The following CWF19L1 variants were observed in gnomAD, a reference collection of about 807,000 sequenced individuals.
CWF19L1 encodes the protein CWF19 like cell cycle control factor 1, also known as CWF19-like protein 1.
CWF19L1 carries 60 observed loss-of-function variants against 69.7 expected under a neutral mutation model. The observed-to-expected ratio is 0.86, with a 90% CI of 0.70 to 1.07. The LOEUF is 1.07. Ranked by LOEUF, CWF19L1 falls within the 50% of genes least tolerant of loss-of-function variation. CWF19L1 has a pLI of 0.00. For synonymous variants in CWF19L1, 209 were observed against 222.2 expected, an observed-to-expected ratio of 0.94 and a Z score of 0.53; for missense variants, 591 against 638.9, an observed-to-expected ratio of 0.92 and a Z score of 0.81.
chr10:100,247,470 T>C (rs1185912066), intron 7 of CWF19L1, among the ~76,000 whole-genome samples: 1 of 152,252 alleles, frequency 6.6e-6, no homozygotes, highest in Non-Finnish European at 1.5e-5. Context: ...ATTTGGAATC[T>C]TGCACTAATG....
rs1055656362 is a variant in CWF19L1 at position 100,235,718 on chromosome 10, C to T, written c.1421G>A (p.Gly474Glu). 2 of 1,612,440 alleles carry T rather than the reference C, an allele frequency of 1.2e-6. No individual in the cohort carries two copies. Among genetic ancestry groups the T allele is most frequent in the Non-Finnish European group, 1.7e-6 (2 of 1,179,932 alleles). Residue 474 changes from glycine (G) to glutamate (E), a missense_variant, in exon 13 of 14, where the codon GGA (glycine) becomes GAA (glutamate). Transcript: ENST00000354105. ...TTTAATTCTGTGGAAAAGCTTTTCT[C>T]CTGTGTCAAGTTCAACATAAAAATA... ...AAYFYVELDT[G>E]EKLFHRIKKN...
Position 100,244,386 on chromosome 10 carries a change from C to T in CWF19L1, c.965-609G>A, listed in dbSNP as rs1027904205. Among the ~76,000 whole-genome samples, 24 of 152,322 alleles carry T rather than the reference C, an allele frequency of 1.6e-4. No homozygotes were observed. In the South Asian group the frequency reaches 3.9e-3, roughly 25 times the overall value. ...TTTTATTTTTTTTGAGACGGAGTCTCGCTCTGTCGCCTAGGGTGGAGTACA... is the reference window on the plus strand; with the variant it reads ...TTTTATTTTTTTTGAGACGGAGTCTTGCTCTGTCGCCTAGGGTGGAGTACA... On this transcript the variant is annotated intron_variant, in intron 9 of 13. Coordinates refer to ENST00000354105, the MANE Select transcript of CWF19L1 (RefSeq NM_018294.6).
intron 1 of CWF19L1, among the ~76,000 whole-genome samples, chr10:100,266,628 G>C (rs1418216899): frequency 6.6e-6 from 1 of 150,564 alleles, no homozygotes; most frequent in African/African-American, 2.5e-5. Flanking sequence ...CGATTCTCCT[G>C]CCTCAGCCTC....
chr10:100,251,397 T>A (rs1460198729), intron 6 of CWF19L1, among the ~76,000 whole-genome samples: 2 of 152,214 alleles, frequency 1.3e-5, no homozygotes, highest in African/African-American at 4.8e-5. Context: ...GTATTTGCCT[T>A]TTTGACTACT....
chr10:100,253,573 C>G, intron 5 of CWF19L1, 34 bp from the exon 6 acceptor site: 1 of 1,151,410 alleles, frequency 8.7e-7, no homozygotes, highest in Non-Finnish European at 1.3e-6. Context: ...CCATACAGAC[C>G]AAAAGTTATC....
At chr10:100,240,045 T>A (rs1281823469) in intron 10 of CWF19L1, among the ~76,000 whole-genome samples, 1 of 152,194 alleles carries the variant, frequency 6.6e-6, no homozygotes, top group Non-Finnish European at 1.5e-5. Flanking sequence ...AAAGAGCTCC[T>A]CTGCACCATC....
In CWF19L1 at chr10:100,239,188, A is replaced by G. The variant is rs74154608; in HGVS notation, c.1045-957T>C. 4.7e-3 allele frequency among the ~76,000 whole-genome samples: 720 copies of G among 152,290 alleles called. 5 individuals are homozygous for G. The highest frequency in any genetic ancestry group is 0.016 in the African/African-American group (678 of 41,550). Reference sequence around the variant, plus strand: ...AGGCAGAAAAGAATGATTTCCAACAATGGATGTCAGCCTTTAATGGCAACT... The same window carrying G: ...AGGCAGAAAAGAATGATTTCCAACAGTGGATGTCAGCCTTTAATGGCAACT... On this transcript the variant is annotated intron_variant, in intron 10 of 13. Coordinates refer to ENST00000354105, the MANE Select transcript of CWF19L1 (RefSeq NM_018294.6).
intron 1 of CWF19L1, among the ~76,000 whole-genome samples, chr10:100,263,934 T>C (rs1249051590): frequency 1.3e-5 from 2 of 152,220 alleles, no homozygotes; most frequent in Admixed American, 1.3e-4. Flanking sequence ...CAAAGCGTTC[T>C]TAAGCATTTC....
chr10:100,252,425 ACT>A (rs1018182419), intron 6 of CWF19L1, among the ~76,000 whole-genome samples: 1 of 149,264 alleles, frequency 6.7e-6, no homozygotes, highest in African/African-American at 2.5e-5. Context: ...ACAGAGCAAG[ACT>A]CTGTCTCAAA....
At chr10:100,254,677 A>G (rs763875590) in intron 5 of CWF19L1, 3 of 152,070 alleles carry the variant, frequency 2.0e-5, no homozygotes, top group African/African-American at 4.8e-5. Flanking sequence ...CCATAAATAT[A>G]CTGTATGGTT....
At chr10:100,255,162 C>T (rs4919440) in intron 5 of CWF19L1, among the ~76,000 whole-genome samples, 32,227 of 152,220 alleles carry the variant, frequency 0.21, 6,345 homozygotes, top group African/African-American at 0.52. Flanking sequence ...ACCAGTGTAG[C>T]GTTTCACTCC....
intron 8 of CWF19L1, 148 bp downstream of exon 8, chr10:100,246,647 G>T: frequency 1.2e-6 from 1 of 823,074 alleles, no homozygotes; most frequent in Non-Finnish European, 1.8e-6. Context: ...AAGCTTAGCT[G>T]AAATCTACTA....
intron 2 of CWF19L1, 121 bp downstream of exon 2, chr10:100,261,858 T>C (rs1847413200): frequency 1.2e-5 from 9 of 764,798 alleles, no homozygotes; most frequent in Non-Finnish European, 1.6e-5. Context: ...CCTATGCTCA[T>C]GAAGGGAACT....
At chr10:100,233,611 T>A (rs981806096) in intron 13 of CWF19L1, among the ~76,000 whole-genome samples, 2 of 152,174 alleles carry the variant, frequency 1.3e-5, no homozygotes, top group African/African-American at 4.8e-5. Flanking sequence ...ACTATATTAT[T>A]GGTACTTAGA....
Position 100,236,847 on chromosome 10 carries a change from C to G in CWF19L1, c.1374+3G>C. The G allele has an allele frequency of 6.3e-7, 1 of 1,585,542 alleles. No individual in the cohort carries two copies. The highest frequency in any genetic ancestry group is 1.2e-5 in the South Asian group (1 of 86,158). The stretch of plus-strand genomic sequence containing the variant: ...CCCTGAATATCACCATCCCCTGTTT[C>G]ACCTGCTTGATGTCAGAGTGCTCTG... On this transcript the variant is annotated splice_donor_region_variant and intron_variant, in intron 12 of 13. Coordinates refer to ENST00000354105, the MANE Select transcript of CWF19L1 (RefSeq NM_018294.6).
chr10:100,245,949 C>T (rs147228940), intron 8 of CWF19L1, 36 bp from the exon 9 acceptor site: 2 of 1,464,788 alleles, frequency 1.4e-6, no homozygotes, highest in African/African-American at 1.4e-5. Flanking sequence ...AAATGTTATT[C>T]AACTAACCTT....
At position 100,262,019 on chromosome 10, in the gene CWF19L1, T is replaced by C; in HGVS notation, c.68A>G (p.Asn23Ser). Residue 23 changes from asparagine to serine, a missense_variant, in exon 2 of 14, where the codon AAT (asparagine) becomes AGT (serine). By Grantham distance (46) the Asn-to-Ser change is conservative. Transcript: ENST00000354105. ...DVEGKFDILF[N>S]RVQAIQKKSG... ...TTTCTTCTGAATTGCTTGAACTCTA[T>C]TGAATAAAATATCAAACTTTCCTTC... The C allele has an allele frequency of 6.2e-7, 1 of 1,611,098 alleles. No individual in the cohort carries two copies.
At chr10:100,252,077 T>C (rs1407189774) in intron 6 of CWF19L1, among the ~76,000 whole-genome samples, 1 of 152,194 alleles carries the variant, frequency 6.6e-6, no homozygotes, top group Admixed American at 6.5e-5. Flanking sequence ...AATATTACTT[T>C]TGTAAAAAAG....
chr10:100,267,615 C>G lies in CWF19L1; in HGVS notation c.-22G>C. The G allele has an allele frequency of 1.9e-6, 3 of 1,614,072 alleles. No homozygotes were observed. The highest frequency in any genetic ancestry group is 2.5e-6 in the Non-Finnish European group (3 of 1,179,986). On this transcript the variant is annotated 5_prime_UTR_variant, in exon 1 of 14. Transcript: ENST00000354105. ...CCATCTGTCCGAATAGTATGGGTTG[C>G]GACTGCCACCTAAAATTGGGAATGC...
Sources: gnomAD v4.1 joint callset for allele counts (sites outside exome capture counted in the v4.1 genomes callset) on GRCh38, gnomAD v4.1.1 for gene constraint, MANE v1.5 for transcripts, NCBI Gene and HGNC (gene_info 2026-07-23, HGNC 2026-07-21) for gene names.